The following NLRP11 variants were observed in gnomAD, a reference collection of about 807,000 sequenced individuals.
NLRP11 encodes the protein NACHT, LRR and PYD domains-containing protein 11.
NLRP11 carries 53 observed loss-of-function variants against 79.3 expected under a neutral mutation model. The ratio of observed to expected loss-of-function variants is 0.67; its 90% CI spans 0.54 to 0.84. The LOEUF is 0.84. Ranked by LOEUF, NLRP11 falls within the 40% of genes least tolerant of loss-of-function variation. The pLI, the probability that NLRP11 is intolerant of heterozygous loss-of-function variation, is 0.00. For synonymous variants in NLRP11, 518 were observed against 462.6 expected (o/e 1.12, Z -1.54); for missense variants, 1,264 against 1,255.0 (o/e 1.01, Z -0.11).
At chr19:55,823,354 G>A (rs924015028) in intron 1 of NLRP11, among the ~76,000 whole-genome samples, 14 of 136,032 alleles carry the variant, frequency 1.0e-4, no homozygotes, top group Non-Finnish European at 2.0e-4. Flanking sequence ...AACGCAGAGT[G>A]TCTCTCCTCC....
chr19:55,793,556 CAAAAAAAAAAAAAA>C lies in NLRP11; in HGVS notation c.2343-1099_2343-1086del, dbSNP rs59605427. On this transcript the variant is annotated intron_variant, in intron 6 of 9. Coordinates refer to ENST00000589093, the Ensembl canonical transcript of NLRP11. The stretch of plus-strand genomic sequence containing the variant: ...GCACTCCAGCCTGGGTGACTGTCTC[CAAAAAAAAAAAAAA>C]AAAAAAAAAAAAAAAAAGTTGAAAA... Among the ~76,000 whole-genome samples the C allele has an allele frequency of 6.7e-4, 24 of 35,672 alleles. No individual in the cohort carries two copies. In the Admixed American group the frequency reaches 0.011, roughly 16 times the overall value. 23.4% of individuals were successfully genotyped at this position (35,672 alleles called of 152,430 possible). A position where few individuals can be genotyped will look rare whatever the true frequency, so the allele number is the denominator to read the frequency against.
Position 55,809,734 on chromosome 19 carries a change from T to C in NLRP11, c.876A>G (p.Val292=), listed in dbSNP as rs774673814. 4 of 1,614,186 alleles carry C rather than the reference T, an allele frequency of 2.5e-6. No homozygotes were observed. In the Admixed American group the frequency reaches 6.7e-5, roughly 27 times the overall value. ...ACAGCTGCAAGGTCGTGCAGCAATC[T>C]ACCTCTTTCAAGAACGTTTTTACAT... is the stretch of plus-strand genomic sequence containing the variant. The change falls in exon 3 of 10, where the codon GTA becomes GTG. Residue 292 remains valine, a synonymous_variant. Transcript: ENST00000589093. This position sits in a 1 kb window ranked among gnomAD's most constrained non-coding sequence, Gnocchi z 4.5.
chr19:55,791,239 T>C (rs1990217920), intron 7 of NLRP11, among the ~76,000 whole-genome samples: 1 of 152,068 alleles, frequency 6.6e-6, no homozygotes, highest in Admixed American at 6.6e-5. Flanking sequence ...ACAGTATGAG[T>C]GAATTTGTCT....
At chr19:55,790,266 TATAAGGGGCCAG>T (rs1990157372) in intron 7 of NLRP11, among the ~76,000 whole-genome samples, 1 of 152,172 alleles carries the variant, frequency 6.6e-6, no homozygotes, top group Non-Finnish European at 1.5e-5. Context: ...GGCCTTTCTC[TATAAGGGGCCAG>T]ATAATAGTTT....
intron 3 of NLRP11, 150 bp downstream of exon 3, chr19:55,808,617 CAG>C (rs1980241448): frequency 5.5e-6 from 4 of 722,646 alleles, no homozygotes; most frequent in Non-Finnish European, 9.2e-6. Context: ...TAAACAGAAG[CAG>C]AGAGATTTAA....
chr19:55,811,970 T>TACACACACAC (rs3973377), intron 2 of NLRP11, among the ~76,000 whole-genome samples: 1,545 of 149,178 alleles, frequency 0.01, 28 homozygotes, highest in African/African-American at 0.032. Context: ...TTCACACATG[T>TACACACACAC]ACACACACAC....
Position 55,789,340 on chromosome 19 carries a change from GTAGCAATAACTA to G in NLRP11, c.2561_2572del (p.Ile854_Ala857del), listed in dbSNP as rs1024246254. The G allele has an allele frequency of 1.9e-6, 3 of 1,613,882 alleles. No individual in the cohort carries two copies. The African/African-American group carries it at 4.0e-5, about 22-fold the overall frequency. The stretch of plus-strand genomic sequence containing the variant: ...CTCCAGGCTCCTCAGTTTTTCATTA[GTAGCAATAACTA>G]TGGCAATATATTGACAGATATCGCT... On this transcript the variant is annotated inframe_deletion, in exon 8 of 10. Transcript: ENST00000589093.
chr19:55,819,070 T>C (rs1981418704), intron 1 of NLRP11, among the ~76,000 whole-genome samples: 1 of 151,158 alleles, frequency 6.6e-6, no homozygotes, highest in Admixed American at 6.6e-5. Flanking sequence ...GCTACTGCCC[T>C]TTGGAGCTCT....
exon 7 of NLRP11, chr19:55,792,442 C>T: frequency 6.2e-7 from 1 of 1,614,110 alleles, no homozygotes; most frequent in Non-Finnish European, 8.5e-7. Context: ...GGCGCTGCAG[C>T]AATTTTCAGT....
intron 1 of NLRP11, among the ~76,000 whole-genome samples, chr19:55,830,598 T>TTAAAAAAAA (rs752782865): frequency 0.048 from 6,236 of 128,854 alleles, 191 homozygotes; most frequent in Non-Finnish European, 0.066. Context: ...CTTAGCTTCC[T>TTAAAAAAAA]AAAAAAAAAA....
chr19:55,810,971 A>G lies in NLRP11; in HGVS notation c.272-633T>C, dbSNP rs372227114. On this transcript the variant is annotated intron_variant, in intron 2 of 9. Transcript: ENST00000589093. ...TTCCTTAGCGTTTTAGGTAGCCTTC[A>G]ATTATGTTTCATTTCATACCCAGTT... Among the ~76,000 whole-genome samples, 12 of 152,242 alleles carry G rather than the reference A, an allele frequency of 7.9e-5. 1 individual carries two copies. The South Asian group carries it at 2.5e-3, about 32-fold the overall frequency.
chr19:55,808,953 G>T, exon 3 of NLRP11: 6 of 1,613,918 alleles, frequency 3.7e-6, no homozygotes, highest in Middle Eastern at 1.6e-4. Context: ...TCTTCTTCCC[G>T]ATTCTCATAG....
intron 4 of NLRP11, among the ~76,000 whole-genome samples, chr19:55,803,260 G>C (rs979931686): frequency 2.0e-5 from 3 of 151,956 alleles, no homozygotes; most frequent in Non-Finnish European, 4.4e-5. Flanking sequence ...GGCAGGAGAA[G>C]CACTTGAACC....
chr19:55,819,086 C>G (rs1316680540), intron 1 of NLRP11, among the ~76,000 whole-genome samples: 2 of 146,450 alleles, frequency 1.4e-5, no homozygotes, highest in African/African-American at 5.0e-5. Flanking sequence ...GCTCTCGGAC[C>G]CAGGAGATCT....
intron 6 of NLRP11, 66 bp downstream of exon 6, chr19:55,796,014 A>G (rs1461770688): frequency 7.1e-7 from 1 of 1,416,314 alleles, no homozygotes; most frequent in East Asian, 2.3e-5. Flanking sequence ...CTGCTCTTTG[A>G]TCATGTGCTT....
At chr19:55,824,542 A>T (rs1483880781) in intron 1 of NLRP11, among the ~76,000 whole-genome samples, 2 of 133,380 alleles carry the variant, frequency 1.5e-5, no homozygotes, top group Non-Finnish European at 3.1e-5. Flanking sequence ...AGACACACAT[A>T]GGCTCAAAAT....
chr19:55,823,114 C>G (rs1270587384), intron 1 of NLRP11, among the ~76,000 whole-genome samples: 2 of 146,976 alleles, frequency 1.4e-5, no homozygotes, highest in East Asian at 2.1e-4. Context: ...CCCTGACCCC[C>G]AAGCAGCCTA....
intron 1 of NLRP11, among the ~76,000 whole-genome samples, chr19:55,827,521 C>A (rs1187796895): frequency 1.3e-5 from 2 of 150,004 alleles, no homozygotes; most frequent in African/African-American, 4.9e-5. Context: ...ACTCATCTGA[C>A]AAAGGGCTAA....
intron 5 of NLRP11, among the ~76,000 whole-genome samples, chr19:55,797,135 G>GT (rs758236841): frequency 7.7e-4 from 117 of 152,018 alleles, no homozygotes; most frequent in South Asian, 1.2e-3. Context: ...TTTAAAAAAA[G>GT]TTTTTTTCCT....
Sources: gnomAD v4.1 joint callset for allele counts (sites outside exome capture counted in the v4.1 genomes callset) on GRCh38, gnomAD v4.1.1 for gene constraint, Gnocchi (gnomAD v3.1) non-coding constraint, MANE v1.5 for transcripts, NCBI Gene and HGNC (gene_info 2026-07-23, HGNC 2026-07-21) for gene names.